RIMS2: variants seen among roughly 807,000 people sequenced by gnomAD.
RIMS2 encodes the protein regulating synaptic membrane exocytosis 2, also known as regulating synaptic membrane exocytosis protein 2.
In RIMS2, 59 loss-of-function variants were observed where a neutral mutation model predicts 174.4. That is an observed-to-expected ratio of 0.34 (90% CI 0.27 to 0.42). RIMS2 has a LOEUF of 0.42. Among genes scored for constraint, RIMS2 ranks in the 10% least tolerant of loss-of-function variants. The probability of loss-of-function intolerance (pLI) is 1.00; values close to 1 mark genes in which losing one functional copy is unlikely to be tolerated. For missense variants in RIMS2, 1,620 were observed against 1,666.3 expected, an observed-to-expected ratio of 0.97 and a Z score of 0.48; for synonymous variants, 606 against 572.5, an observed-to-expected ratio of 1.06 and a Z score of -0.84.
chr8:103,502,661 C>T (rs984374008), intron 1 of RIMS2, among the ~76,000 whole-genome samples: 3 of 151,930 alleles, frequency 2.0e-5, no homozygotes, highest in Non-Finnish European at 4.4e-5. Context: ...ACTAACAATG[C>T]CAAGCTTTTG....
At chr8:104,125,765 G>A (rs907343066) in intron 19 of RIMS2, among the ~76,000 whole-genome samples, 1 of 151,926 alleles carries the variant, frequency 6.6e-6, no homozygotes. Flanking sequence ...TGGTATTCTT[G>A]GTGACAAAAA....
intron 14 of RIMS2, among the ~76,000 whole-genome samples, chr8:103,947,367 G>A (rs777453321): frequency 6.6e-6 from 1 of 152,144 alleles, no homozygotes; most frequent in Non-Finnish European, 1.5e-5. Flanking sequence ...TACTTTCTGA[G>A]AAATGTGCCA....
intron 3 of RIMS2, among the ~76,000 whole-genome samples, chr8:103,790,358 T>C (rs957291460): frequency 6.6e-6 from 1 of 152,234 alleles, no homozygotes; most frequent in Non-Finnish European, 1.5e-5. Context: ...CATGCAATTA[T>C]GTAGCCTTTT....
At chr8:104,088,035 A>G (rs2097566968) in intron 19 of RIMS2, among the ~76,000 whole-genome samples, 1 of 152,092 alleles carries the variant, frequency 6.6e-6, no homozygotes, top group Non-Finnish European at 1.5e-5. Flanking sequence ...TTAGACCATT[A>G]TCACATAATA....
At chr8:103,835,943 C>T (rs553281951) in intron 3 of RIMS2, among the ~76,000 whole-genome samples, 12 of 152,160 alleles carry the variant, frequency 7.9e-5, no homozygotes, top group Non-Finnish European at 1.3e-4. Context: ...ATGTGCAAGG[C>T]TTTCTTCACA....
At chr8:103,851,884 TAA>T (rs1310008836) in intron 3 of RIMS2, among the ~76,000 whole-genome samples, 1 of 151,890 alleles carries the variant, frequency 6.6e-6, no homozygotes, top group Non-Finnish European at 1.5e-5. Context: ...GAAAAATCAT[TAA>T]TTGTATGGTT....
At chr8:103,830,304 G>T (rs1310668999) in intron 3 of RIMS2, among the ~76,000 whole-genome samples, 1 of 152,074 alleles carries the variant, frequency 6.6e-6, no homozygotes, top group Non-Finnish European at 1.5e-5. Context: ...GCTTTGGAAG[G>T]TGGAACTGTA....
At chr8:103,841,628 G>A (rs2098940366) in intron 3 of RIMS2, among the ~76,000 whole-genome samples, 1 of 152,090 alleles carries the variant, frequency 6.6e-6, no homozygotes, top group African/African-American at 2.4e-5. Context: ...TGTTTCAGCA[G>A]TCTCTTAGCA....
At chr8:104,042,606 A>C (rs1272902647) in intron 19 of RIMS2, among the ~76,000 whole-genome samples, 1 of 151,634 alleles carries the variant, frequency 6.6e-6, no homozygotes, top group Non-Finnish European at 1.5e-5. Context: ...ATGCAGAAAG[A>C]GGAGGAATAA....
chr8:103,899,252 G>A (rs912033577), intron 4 of RIMS2, among the ~76,000 whole-genome samples: 2 of 151,702 alleles, frequency 1.3e-5, no homozygotes, highest in African/African-American at 4.9e-5. Flanking sequence ...TGGGATGGCT[G>A]GGTCAAATGG....
At chr8:103,528,328 C>A (rs1835131367) in intron 1 of RIMS2, among the ~76,000 whole-genome samples, 1 of 151,278 alleles carries the variant, frequency 6.6e-6, no homozygotes, top group African/African-American at 2.4e-5. Flanking sequence ...AAATTTTCTT[C>A]CATTCTGTAG....
intron 1 of RIMS2, among the ~76,000 whole-genome samples, chr8:103,605,760 T>C (rs1314312307): frequency 5.9e-5 from 9 of 152,038 alleles, no homozygotes; most frequent in African/African-American, 2.2e-4. Flanking sequence ...TTTATCCATT[T>C]CTGCTAGATT....
intron 3 of RIMS2, among the ~76,000 whole-genome samples, chr8:103,860,393 G>A (rs564889494): frequency 1.3e-5 from 2 of 152,194 alleles, no homozygotes; most frequent in South Asian, 2.1e-4. Context: ...TTGTTTGTGA[G>A]AATTAAATGA....
chr8:104,006,483 G>A (rs1324966430), intron 17 of RIMS2, among the ~76,000 whole-genome samples: 2 of 152,098 alleles, frequency 1.3e-5, no homozygotes, highest in African/African-American at 4.8e-5. Flanking sequence ...CTGGGAGGTG[G>A]AGGTTGTGGT....
In RIMS2 at chr8:103,567,974, A is replaced by C. The variant is rs1258524510; in HGVS notation, c.176+66912A>C. 2.0e-5 allele frequency among the ~76,000 whole-genome samples: 3 copies of C among 152,284 alleles called. No individual in the cohort carries two copies. In the East Asian group the frequency reaches 5.8e-4, roughly 29 times the overall value. ...TTATATTTTATTTGAAGAAATATATATTCAAATCCTTGGCCTGGCATGGTG... is the reference window on the plus strand; with the variant it reads ...TTATATTTTATTTGAAGAAATATATCTTCAAATCCTTGGCCTGGCATGGTG... On this transcript the variant is annotated intron_variant, in intron 1 of 23. Coordinates refer to ENST00000504942, the Ensembl canonical transcript of RIMS2.
At chr8:103,586,551 G>A (rs2093930897) in intron 1 of RIMS2, among the ~76,000 whole-genome samples, 4 of 152,076 alleles carry the variant, frequency 2.6e-5, no homozygotes, top group African/African-American at 7.2e-5. Context: ...TGAAATAAAT[G>A]ATAATGGAAA....
rs527911013 is a variant in RIMS2 at position 103,580,105 on chromosome 8, A to G, written c.176+79043A>G. On this transcript the variant is annotated intron_variant, in intron 1 of 23. Coordinates refer to ENST00000504942, the Ensembl canonical transcript of RIMS2. ...ACAGAGCAAAACCGTATCAACCACT[A>G]AAGGACACAGTAAGAAAGGAAGAGA... 1.2e-4 allele frequency among the ~76,000 whole-genome samples: 19 copies of G among 152,206 alleles called. No homozygotes were observed. In the South Asian group the frequency reaches 3.9e-3, roughly 32 times the overall value.
chr8:103,710,668 C>T (rs903514193), intron 2 of RIMS2, among the ~76,000 whole-genome samples: 2 of 151,840 alleles, frequency 1.3e-5, no homozygotes, highest in Non-Finnish European at 2.9e-5. Flanking sequence ...AGTATATTAC[C>T]ACCTGCTTAA....
chr8:103,580,313 C>A (rs190705624), intron 1 of RIMS2, among the ~76,000 whole-genome samples: 1 of 152,066 alleles, frequency 6.6e-6, no homozygotes, highest in African/African-American at 2.4e-5. Flanking sequence ...TAAAGATACA[C>A]ATAGACTAAG....
Sources: allele counts gnomAD v4.1 joint callset (sites outside exome capture counted in the v4.1 genomes callset), GRCh38; gene constraint gnomAD v4.1.1; transcripts MANE v1.5; gene names NCBI Gene and HGNC (gene_info 2026-07-23, HGNC 2026-07-21).